DPYSL5: variants seen among roughly 807,000 people sequenced by gnomAD.
DPYSL5 encodes the protein dihydropyrimidinase like 5, also known as dihydropyrimidinase-related protein 5.
Under a neutral mutation model 58.4 loss-of-function variants are expected in DPYSL5, and 9 were observed. That is an observed-to-expected ratio of 0.15 (90% CI 0.09 to 0.27). DPYSL5 has a LOEUF of 0.27. DPYSL5 is among the 10% of genes least tolerant of loss of function. The pLI is 1.00. For synonymous variants in DPYSL5, 293 were observed against 301.9 expected (o/e 0.97, Z 0.31); for missense variants, 499 against 770.6 (o/e 0.65, Z 4.17).
At chr2:26,885,761 G>A (rs1663702041) in intron 1 of DPYSL5, among the ~76,000 whole-genome samples, 1 of 152,222 alleles carries the variant, frequency 6.6e-6, no homozygotes, top group Non-Finnish European at 1.5e-5. Context: ...AGCCTTTGGA[G>A]ATGGCTGAGG....
rs376454359 is a variant in DPYSL5 at position 26,874,382 on chromosome 2, G to A, written c.-4-24114G>A. Among the ~76,000 whole-genome samples, 29 of 152,244 alleles carry A rather than the reference G, an allele frequency of 1.9e-4. 1 individual carries two copies. The South Asian group carries it at 5.0e-3, about 26-fold the overall frequency. On this transcript the variant is annotated intron_variant, in intron 1 of 12. Coordinates refer to ENST00000288699, the MANE Select transcript of DPYSL5 (RefSeq NM_020134.4). The stretch of plus-strand genomic sequence containing the variant: ...TTTTTTCCTAGGAGTTCATAGGTTA[G>A]CATCTATGATTAGGTCTATGATCCA...
intron 2 of DPYSL5, among the ~76,000 whole-genome samples, chr2:26,903,326 T>A (rs1248380235): frequency 6.6e-6 from 1 of 152,210 alleles, no homozygotes; most frequent in Non-Finnish European, 1.5e-5. Flanking sequence ...CGCTTCGGCC[T>A]CCCAAATATT....
At chr2:26,855,003 A>G (rs937056400) in intron 1 of DPYSL5, among the ~76,000 whole-genome samples, 13 of 151,748 alleles carry the variant, frequency 8.6e-5, no homozygotes, top group Non-Finnish European at 1.8e-4. Context: ...TTTTTAGTAG[A>G]GACGGGGTTT....
At chr2:26,863,605 A>C (rs117931623) in intron 1 of DPYSL5, among the ~76,000 whole-genome samples, 1 of 152,176 alleles carries the variant, frequency 6.6e-6, no homozygotes, top group Non-Finnish European at 1.5e-5. Context: ...GTGCAATGCA[A>C]TGGTTTCTAG....
intron 1 of DPYSL5, among the ~76,000 whole-genome samples, chr2:26,865,570 C>T (rs1256695530): frequency 1.3e-5 from 2 of 152,070 alleles, no homozygotes; most frequent in African/African-American, 4.8e-5. Context: ...GTCTTGGCCT[C>T]CCAAGGTGCT....
At chr2:26,860,232 C>A (rs1665977418) in intron 1 of DPYSL5, among the ~76,000 whole-genome samples, 1 of 152,178 alleles carries the variant, frequency 6.6e-6, no homozygotes, top group Non-Finnish European at 1.5e-5. Flanking sequence ...TATATAAAAA[C>A]AATCAAAGGG....
intron 5 of DPYSL5, among the ~76,000 whole-genome samples, chr2:26,928,757 GT>G: frequency 3.5e-5 from 1 of 28,922 alleles, no homozygotes. Flanking sequence ...ACATACGTGT[GT>G]GCGTGTGTGT....
At chr2:26,910,497 T>A (rs1664406638) in intron 2 of DPYSL5, among the ~76,000 whole-genome samples, 1 of 152,234 alleles carries the variant, frequency 6.6e-6, no homozygotes, top group Non-Finnish European at 1.5e-5. Flanking sequence ...TGTGCCTATA[T>A]GCCTTCTATA....
At chr2:26,891,063 G>A (rs1179056522) in intron 1 of DPYSL5, among the ~76,000 whole-genome samples, 2 of 152,164 alleles carry the variant, frequency 1.3e-5, no homozygotes, top group African/African-American at 4.8e-5. Context: ...CTCTAGAGAC[G>A]AACTGTCTGG....
At position 26,946,961 on chromosome 2, in the gene DPYSL5, C is replaced by T. The variant is rs750134760; in HGVS notation, c.1661C>T (p.Ala554Val). The part of the protein sequence containing the change: ...VPKRASARIL[A>V]PPGGRSSGIW ...AAGCGAGCTTCAGCTCGGATCCTCG[C>T]TCCTCCCGGAGGCAGGTCGAGTGGC... The change falls in exon 13 of 13, where the codon GCT becomes GTT. Residue 554 changes from alanine (A) to valine (V), a missense_variant. Ala to Val is a moderately conservative substitution (Grantham distance 64). Transcript: ENST00000288699. The T allele has an allele frequency of 6.2e-7, 1 of 1,614,100 alleles. No individual in the cohort carries two copies. The highest frequency in any genetic ancestry group is 8.5e-7 in the Non-Finnish European group (1 of 1,179,940).
intron 2 of DPYSL5, among the ~76,000 whole-genome samples, chr2:26,920,987 G>A (rs1664688738): frequency 6.6e-6 from 1 of 152,164 alleles, no homozygotes; most frequent in East Asian, 1.9e-4. Context: ...AAATACATAA[G>A]TATTTTGTAC....
intron 9 of DPYSL5, among the ~76,000 whole-genome samples, chr2:26,940,965 C>G (rs1472966465): frequency 2.2e-5 from 3 of 137,608 alleles, no homozygotes; most frequent in Non-Finnish European, 4.6e-5. Context: ...GTGATAGAAT[C>G]TCCCTCTGTT....
intron 1 of DPYSL5, among the ~76,000 whole-genome samples, chr2:26,856,668 G>A (rs562858711): frequency 6.6e-6 from 1 of 151,720 alleles, no homozygotes; most frequent in African/African-American, 2.4e-5. Context: ...ATACACACAT[G>A]TTCTGTTTTA....
At chr2:26,896,103 C>A (rs1664014193) in intron 1 of DPYSL5, among the ~76,000 whole-genome samples, 1 of 152,066 alleles carries the variant, frequency 6.6e-6, no homozygotes, top group South Asian at 2.1e-4. Context: ...TATGGATCAA[C>A]TTTTTTAGGT....
chr2:26,923,497 A>T (rs929420239), intron 2 of DPYSL5, among the ~76,000 whole-genome samples: 1 of 152,130 alleles, frequency 6.6e-6, no homozygotes, highest in Admixed American at 6.5e-5. Context: ...AAGTTAAGTA[A>T]CCTGGCAGAG....
chr2:26,912,013 G>C lies in DPYSL5; in HGVS notation c.262-12874G>C, dbSNP rs184452414. Among the ~76,000 whole-genome samples, 9 of 152,334 alleles carry C rather than the reference G, an allele frequency of 5.9e-5. No homozygotes were observed. The East Asian group carries it at 1.7e-3, about 29-fold the overall frequency. The stretch of plus-strand genomic sequence containing the variant: ...GGGACCACAGACCCCGAGCTGGTGC[G>C]TGGCAGCACATGGTTCTCACAGGAC... On this transcript the variant is annotated intron_variant, in intron 2 of 12. Coordinates refer to ENST00000288699, the MANE Select transcript of DPYSL5 (RefSeq NM_020134.4).
chr2:26,886,132 A>G (rs1008458356), intron 1 of DPYSL5, among the ~76,000 whole-genome samples: 1 of 152,264 alleles, frequency 6.6e-6, no homozygotes, highest in Admixed American at 6.5e-5. Flanking sequence ...TTCAGAAAGT[A>G]GAGAACTGGG....
chr2:26,849,723 A>G lies in DPYSL5; in HGVS notation c.-5+1469A>G, dbSNP rs1011270974. On this transcript the variant is annotated intron_variant, in intron 1 of 12. Transcript: ENST00000288699. The surrounding 1 kb of genome is among the most constrained non-coding windows in gnomAD (Gnocchi z 6.2). Reference sequence around the variant, plus strand: ...ACAAACCAGGGCCACCCAGGACGCGAGGGTGCAGTTTTCTGGTGCTGGGAA... The same window carrying G: ...ACAAACCAGGGCCACCCAGGACGCGGGGGTGCAGTTTTCTGGTGCTGGGAA... Among the ~76,000 whole-genome samples the G allele has an allele frequency of 6.6e-6, 1 of 152,184 alleles. No homozygotes were observed. Among genetic ancestry groups the G allele is most frequent in the African/African-American group, 2.4e-5 (1 of 41,438 alleles).
intron 1 of DPYSL5, among the ~76,000 whole-genome samples, chr2:26,865,416 G>T (rs1666116999): frequency 6.7e-6 from 1 of 149,878 alleles, no homozygotes; most frequent in African/African-American, 2.5e-5. Flanking sequence ...CGCCTCCCAG[G>T]TTCAAGCAAT....
Sources: allele counts gnomAD v4.1 joint callset (sites outside exome capture counted in the v4.1 genomes callset), GRCh38; gene constraint gnomAD v4.1.1; non-coding constraint Gnocchi (gnomAD v3.1); transcripts MANE v1.5; gene names NCBI Gene and HGNC (gene_info 2026-07-23, HGNC 2026-07-21).